The following ABCC5 variants were observed in gnomAD, a reference collection of about 807,000 sequenced individuals.
ABCC5 encodes the protein ATP binding cassette subfamily C member 5, also known as ATP-binding cassette sub-family C member 5.
Under a neutral mutation model 160.9 loss-of-function variants are expected in ABCC5, and 61 were observed. That is an observed-to-expected ratio of 0.38 (90% CI 0.31 to 0.47). The LOEUF (loss-of-function observed/expected upper bound fraction) is 0.47. Among genes scored for constraint, ABCC5 ranks in the 20% least tolerant of loss-of-function variants. The pLI, the probability that ABCC5 is intolerant of heterozygous loss-of-function variation, is 0.99. For synonymous variants in ABCC5, 666 were observed against 700.6 expected (o/e 0.95, Z 0.78); for missense variants, 1,308 against 1,813.3 (o/e 0.72, Z 5.06).
chr3:183,981,137 GT>G (rs2108852237), intron 8 of ABCC5, among the ~76,000 whole-genome samples: 1 of 152,280 alleles, frequency 6.6e-6, no homozygotes, highest in East Asian at 1.9e-4. Flanking sequence ...GTATCTATGT[GT>G]TTGTTTTTAA....
chr3:184,012,751 A>G (rs760053950), intron 2 of ABCC5, among the ~76,000 whole-genome samples: 1 of 152,222 alleles, frequency 6.6e-6, no homozygotes, highest in Admixed American at 6.5e-5. Context: ...TAAAACTGGC[A>G]CCACGAGAAG....
intron 26 of ABCC5, among the ~76,000 whole-genome samples, chr3:183,934,626 GT>G (rs1449382889): frequency 6.6e-6 from 1 of 152,210 alleles, no homozygotes; most frequent in Non-Finnish European, 1.5e-5. Flanking sequence ...GGCGCACGAT[GT>G]TCTACCCACA....
intron 12 of ABCC5, among the ~76,000 whole-genome samples, chr3:183,965,923 T>C (rs1717177499): frequency 6.6e-6 from 1 of 152,078 alleles, no homozygotes; most frequent in Non-Finnish European, 1.5e-5. Context: ...CAGTTGCTTC[T>C]ATGAAATGAG....
chr3:183,957,592 G>A (rs1296329196), intron 17 of ABCC5, among the ~76,000 whole-genome samples: 8 of 151,704 alleles, frequency 5.3e-5, no homozygotes, highest in Admixed American at 2.0e-4. Context: ...ATGCTTATCC[G>A]TGTGTACATC....
intron 27 of ABCC5, 88 bp downstream of exon 27, chr3:183,928,659 C>A: frequency 8.2e-7 from 1 of 1,216,276 alleles, no homozygotes; most frequent in Admixed American, 1.8e-5. Context: ...CCTGGAGGCA[C>A]GGCCAGAGCA....
chr3:183,960,781 CTCTTA>C (rs1716649194), intron 16 of ABCC5, among the ~76,000 whole-genome samples: 1 of 122,988 alleles, frequency 8.1e-6, no homozygotes, highest in African/African-American at 3.6e-5. Context: ...TTCCAAGTTT[CTCTTA>C]TGTCTTTTTT....
Position 183,987,371 on chromosome 3 carries a change from G to C in ABCC5, c.591+399C>G, listed in dbSNP as rs1367316911. 1.4e-5 allele frequency: 6 copies of C among 415,524 alleles called. No individual in the cohort carries two copies. The East Asian group carries it at 1.6e-4, about 11-fold the overall frequency. The allele number at this position is 415,524 out of a possible 1,614,324, so 25.7% of individuals were successfully genotyped here. A position where few individuals can be genotyped will look rare whatever the true frequency, so the allele number is the denominator to read the frequency against. ...CAGACCTGCCAAACATGTGATAACT[G>C]CCTCCAGGCACTTGGTATGTTCCCG... On this transcript the variant is annotated intron_variant, in intron 5 of 29. Coordinates refer to ENST00000334444, the MANE Select transcript of ABCC5 (RefSeq NM_005688.4). The surrounding 1 kb of genome is among the most constrained non-coding windows in gnomAD (Gnocchi z 4.2).
Position 183,949,842 on chromosome 3 carries a change from C to T in ABCC5, c.3138G>A (p.Thr1046=), listed in dbSNP as rs776734792. 1.9e-6 allele frequency: 3 copies of T among 1,614,146 alleles called. No homozygotes were observed. Among genetic ancestry groups the T allele is most frequent in the Non-Finnish European group, 2.5e-6 (3 of 1,180,032 alleles). Residue 1046 remains threonine, a synonymous_variant, in exon 22 of 30, where the codon ACG becomes ACA. Transcript: ENST00000334444. The surrounding 1 kb of genome is among the most constrained non-coding windows in gnomAD (Gnocchi z 4.2). ...TGATGTGGGAGAGGAAAGGTGACTG[C>T]GTGATATTGTCCAGACGCTTCAGCT... ...IRELKRLDNI[T]QSPFLSHITS... is the part of the protein sequence containing the mutation.
At chr3:183,945,537 TAAAAC>T (rs1714757963) in intron 24 of ABCC5, among the ~76,000 whole-genome samples, 1 of 152,174 alleles carries the variant, frequency 6.6e-6, no homozygotes, top group Non-Finnish European at 1.5e-5. Flanking sequence ...TAGTAAGAAT[TAAAAC>T]AATACATGGT....
At chr3:183,997,133 G>A (rs1720349379) in intron 2 of ABCC5, among the ~76,000 whole-genome samples, 1 of 152,006 alleles carries the variant, frequency 6.6e-6, no homozygotes, top group Non-Finnish European at 1.5e-5. Context: ...ATAAAAACAA[G>A]AGAAAATAAT....
intron 2 of ABCC5, among the ~76,000 whole-genome samples, chr3:183,993,282 GA>G (rs1719943966): frequency 6.6e-6 from 1 of 152,018 alleles, no homozygotes; most frequent in Non-Finnish European, 1.5e-5. Flanking sequence ...TCAGGAGTCT[GA>G]AACCAGCCTG....
At position 183,945,886 on chromosome 3, in the gene ABCC5, T is replaced by C; in HGVS notation, c.3468A>G (p.Arg1156=). 6.2e-7 allele frequency: 1 copy of C among 1,614,162 alleles called. No individual in the cohort carries two copies. Among genetic ancestry groups the C allele is most frequent in the Non-Finnish European group, 8.5e-7 (1 of 1,180,026 alleles). The change falls in exon 24 of 30, where the codon CGA becomes CGG. Residue 1156 remains arginine, a synonymous_variant. Coordinates refer to ENST00000334444, the MANE Select transcript of ABCC5 (RefSeq NM_005688.4). The part of the protein sequence containing the change: ...TVRLASETEA[R]FTSVERINHY... The stretch of plus-strand genomic sequence containing the variant: ...GATTGATCCTCTCCACCGAGGTGAA[T>C]CGAGCTTCTGTCTCAGATGCCAGTC...
chr3:183,982,660 A>G lies in ABCC5; in HGVS notation c.826-36T>C, dbSNP rs1266404760. On this transcript the variant is annotated intron_variant, in intron 6 of 29. Coordinates refer to ENST00000334444, the MANE Select transcript of ABCC5 (RefSeq NM_005688.4). This position sits in a 1 kb window ranked among gnomAD's most constrained non-coding sequence, Gnocchi z 5.2. ...CAAAGAGTAGTGAGGGGACCCTGCAAGGACACGGTTCATTTGTCTCAGGAG... is the reference window on the plus strand; with the variant it reads ...CAAAGAGTAGTGAGGGGACCCTGCAGGGACACGGTTCATTTGTCTCAGGAG... The G allele has an allele frequency of 1.1e-5, 17 of 1,611,388 alleles. No individual in the cohort carries two copies. The highest frequency in any genetic ancestry group is 1.4e-5 in the Non-Finnish European group (16 of 1,177,968).
intron 10 of ABCC5, among the ~76,000 whole-genome samples, chr3:183,975,461 C>A (rs1349789060): frequency 1.3e-5 from 2 of 152,024 alleles, no homozygotes; most frequent in Non-Finnish European, 2.9e-5. Flanking sequence ...CCTGCCTCAG[C>A]CTCCCGAGTA....
chr3:183,928,415 T>C (rs1195782035), intron 27 of ABCC5, among the ~76,000 whole-genome samples: 2 of 152,080 alleles, frequency 1.3e-5, no homozygotes, highest in Admixed American at 6.6e-5. Flanking sequence ...CCCGGCCACG[T>C]TATATATCTT....
rs371849048 is a variant in ABCC5, at chr3:183,947,526, C to T, written c.3228-16G>A. 5 of 1,571,556 alleles carry T rather than the reference C, an allele frequency of 3.2e-6. No individual in the cohort carries two copies. The highest frequency in any genetic ancestry group is 2.3e-5 in the East Asian group (1 of 43,984). ...CTCCTGGTATCTGTGAGAAAGACAA[C>T]ACTTAATGGGCAAAGAAAGTACTAC... On this transcript the variant is annotated splice_polypyrimidine_tract_variant and intron_variant, in intron 22 of 29. Coordinates refer to ENST00000334444, the MANE Select transcript of ABCC5 (RefSeq NM_005688.4).
chr3:183,984,813 T>A, intron 5 of ABCC5: 1 of 1,581,856 alleles, frequency 6.3e-7, no homozygotes, highest in Non-Finnish European at 8.5e-7. Flanking sequence ...TTTCCTCACG[T>A]GAAGCAACTC....
At chr3:183,971,461 G>T in intron 11 of ABCC5, 102 bp downstream of exon 11, 2 of 1,116,804 alleles carry the variant, frequency 1.8e-6, no homozygotes, top group Non-Finnish European at 2.6e-6. Flanking sequence ...ATCACTCCTA[G>T]CCACAAAGCA....
At position 183,929,454 on chromosome 3, in the gene ABCC5, T is replaced by TA. The variant is rs1245978420; in HGVS notation, c.3855-630dup. 3.3e-5 allele frequency among the ~76,000 whole-genome samples: 5 copies of TA among 151,996 alleles called. No homozygotes were observed. The East Asian group carries it at 9.7e-4, about 29-fold the overall frequency. ...TCTCAATAAATAAAATAAAATAAAA[T>TA]AAAAAATAAATCTCTCCATACGTAC... On this transcript the variant is annotated intron_variant, in intron 26 of 29. Transcript: ENST00000334444.
Sources: gnomAD v4.1 joint callset for allele counts (sites outside exome capture counted in the v4.1 genomes callset) on GRCh38, gnomAD v4.1.1 for gene constraint, Gnocchi (gnomAD v3.1) non-coding constraint, MANE v1.5 for transcripts, NCBI Gene and HGNC (gene_info 2026-07-23, HGNC 2026-07-21) for gene names.